ZNF626: variants seen among roughly 807,000 people sequenced by gnomAD.
ZNF626 encodes the protein CTC-513N18.7.
In ZNF626, 4 loss-of-function variants were observed where a neutral mutation model predicts 11.7. The ratio of observed to expected loss-of-function variants is 0.34; its 90% CI spans 0.17 to 0.78. The LOEUF (loss-of-function observed/expected upper bound fraction) is 0.78. Among genes scored for constraint, ZNF626 ranks in the 30% least tolerant of loss-of-function variants. The pLI, the probability that ZNF626 is intolerant of heterozygous loss-of-function variation, is 0.57. For synonymous variants in ZNF626, 179 were observed against 198.6 expected (o/e 0.90, Z 0.83); for missense variants, 588 against 587.1 (o/e 1.00, Z -0.01).
intron 3 of ZNF626, among the ~76,000 whole-genome samples, chr19:20,635,419 T>C (rs1969955590): frequency 6.6e-6 from 1 of 152,230 alleles, no homozygotes; most frequent in Admixed American, 6.5e-5. Context: ...GCCTCCTGGG[T>C]TTAAGTGATT....
At chr19:20,645,538 C>T in intron 3 of ZNF626, 146 bp downstream of exon 3, 1 of 1,551,946 alleles carries the variant, frequency 6.4e-7, no homozygotes, top group Non-Finnish European at 8.7e-7. Flanking sequence ...AAAAACCAAA[C>T]AAACAAACAA....
intron 3 of ZNF626, among the ~76,000 whole-genome samples, chr19:20,632,667 G>A (rs11880180): frequency 1.3e-5 from 2 of 152,026 alleles, no homozygotes; most frequent in African/African-American, 4.8e-5. Flanking sequence ...CTCTGCATTG[G>A]TTATTCTAGT....
chr19:20,640,422 AATTTCTGCAT>A (rs1353614857), intron 3 of ZNF626, among the ~76,000 whole-genome samples: 1 of 151,530 alleles, frequency 6.6e-6, no homozygotes, highest in Non-Finnish European at 1.5e-5. Context: ...TAGACTTCAA[AATTTCTGCAT>A]ATTAGAAACA....
Position 20,625,218 on chromosome 19 carries a change from T to C in ZNF626, c.659A>G (p.Lys220Arg), listed in dbSNP as rs369899504. 2.9e-5 allele frequency: 46 copies of C among 1,613,460 alleles called. No homozygotes were observed. Among genetic ancestry groups the C allele is most frequent in the Non-Finnish European group, 3.6e-5 (43 of 1,179,956 alleles). The change falls in exon 4 of 4, where the codon AAG (lysine) becomes AGG (arginine). Residue 220 changes from lysine (K) to arginine (R), a missense_variant. This residue lies in a region of ZNF626 where 524 missense variants were observed against 470.1 expected (regional missense o/e 1.11). Transcript: ENST00000601440. ...GGGTTTCTCTCCAGTATGAATTTTC[T>C]TATGTCTAGTAAGGCTACAAGAGTG... ...FNHSCSLTRH[K>R]KIHTGEKPYK... is the part of the protein sequence containing the mutation.
intron 3 of ZNF626, 99 bp from the exon 4 acceptor site, chr19:20,625,749 C>G (rs1293958423): frequency 1.6e-6 from 2 of 1,214,128 alleles, no homozygotes; most frequent in Non-Finnish European, 1.1e-6. Flanking sequence ...ACTACATAAG[C>G]AAGATGACAC....
In ZNF626 at chr19:20,646,273, C is replaced by T; in HGVS notation, c.130+6G>A. ...AGGGTATATTATGTACTCAAGTTAT[C>T]CTCACCAAGGAAGACCAGGTTACTG... On this transcript the variant is annotated splice_donor_region_variant and intron_variant, in intron 2 of 3. Coordinates refer to ENST00000601440, the MANE Select transcript of ZNF626 (RefSeq NM_001076675.3). The T allele has an allele frequency of 1.2e-6, 2 of 1,612,548 alleles. No homozygotes were observed. The highest frequency in any genetic ancestry group is 1.1e-5 in the South Asian group (1 of 90,820).
rs528269831 is a variant in ZNF626 at position 20,630,424 on chromosome 19, T to A, written c.227-4774A>T. On this transcript the variant is annotated intron_variant, in intron 3 of 3. Coordinates refer to ENST00000601440, the MANE Select transcript of ZNF626 (RefSeq NM_001076675.3). ...CATCTGGTCCTGAACTTTTTTTGAT[T>A]GGTAAGCTATTGATTATTGCCTCAA... 2.6e-4 allele frequency among the ~76,000 whole-genome samples: 39 copies of A among 152,232 alleles called. 1 individual carries two copies. In the South Asian group the frequency reaches 8.1e-3, roughly 32 times the overall value.
At position 20,629,165 on chromosome 19, in the gene ZNF626, A is replaced by G. The variant is rs572141718; in HGVS notation, c.227-3515T>C. ...ATATCTCTGGTTTGGTACCAGTACCATGCTGTTTTGGTTACTGTAGCCTTG... is the reference window on the plus strand; with the variant it reads ...ATATCTCTGGTTTGGTACCAGTACCGTGCTGTTTTGGTTACTGTAGCCTTG... On this transcript the variant is annotated intron_variant, in intron 3 of 3. Transcript: ENST00000601440. Among the ~76,000 whole-genome samples the G allele has an allele frequency of 3.7e-4, 57 of 152,254 alleles. 1 individual carries two copies. The highest frequency in any genetic ancestry group is 2.4e-4 in the Non-Finnish European group (16 of 68,024).
Position 20,659,619 on chromosome 19 carries a change from C to T in ZNF626, c.3+1825G>A, listed in dbSNP as rs573742973. Among the ~76,000 whole-genome samples, 15 of 151,940 alleles carry T rather than the reference C, an allele frequency of 9.9e-5. 1 individual carries two copies. In the East Asian group the frequency reaches 2.1e-3, roughly 22 times the overall value. On this transcript the variant is annotated intron_variant, in intron 1 of 3. Transcript: ENST00000601440. Reference sequence around the variant, plus strand: ...GTGAGGGATGGAGATAAGCCATCTCCAATGTAGGAGAAAAGCCCTTTTCTG... The same window carrying T: ...GTGAGGGATGGAGATAAGCCATCTCTAATGTAGGAGAAAAGCCCTTTTCTG...
At chr19:20,628,055 T>G (rs1376010489) in intron 3 of ZNF626, among the ~76,000 whole-genome samples, 6 of 152,146 alleles carry the variant, frequency 3.9e-5, no homozygotes, top group Non-Finnish European at 7.4e-5. Flanking sequence ...TTGCGATAGT[T>G]TGCTGAGAAT....
At chr19:20,652,571 A>T (rs1970158809) in intron 1 of ZNF626, among the ~76,000 whole-genome samples, 1 of 152,254 alleles carries the variant, frequency 6.6e-6, no homozygotes. Context: ...TATAGTGTCC[A>T]ATGTAGCATT....
In ZNF626 at chr19:20,620,304, A is replaced by C. The variant is rs576364691; in HGVS notation, c.*3986T>G. The C allele has an allele frequency of 4.7e-4, 72 of 152,282 alleles. 1 individual carries two copies. Among genetic ancestry groups the C allele is most frequent in the African/African-American group, 1.7e-3 (69 of 41,554 alleles). The allele number at this position is 152,282 out of a possible 1,614,324, so 9.4% of individuals were successfully genotyped here. On this transcript the variant is annotated 3_prime_UTR_variant, in exon 4 of 4. Coordinates refer to ENST00000601440, the MANE Select transcript of ZNF626 (RefSeq NM_001076675.3). ...TGCTTTCAGCATATTCAAGGTGTTT[A>C]GTTTTCCATTAATCACCTAAAAACT...
chr19:20,624,008 CACATTCACAT>C lies in ZNF626; in HGVS notation c.*272_*281del. The C allele has an allele frequency of 1.7e-6, 1 of 599,592 alleles. No homozygotes were observed. Among genetic ancestry groups the C allele is most frequent in the South Asian group, 1.9e-5 (1 of 53,574 alleles). The allele number at this position is 599,592 out of a possible 1,614,324, so 37.1% of individuals were successfully genotyped here. A position where few individuals can be genotyped will look rare whatever the true frequency, so the allele number is the denominator to read the frequency against. ...TGGTTAAAAGATTTTCCCCATTCAT[CACATTCACAT>C]GGTTTCTCTCCAGTATGAATTATCT... On this transcript the variant is annotated 3_prime_UTR_variant, in exon 4 of 4. Coordinates refer to ENST00000601440, the MANE Select transcript of ZNF626 (RefSeq NM_001076675.3).
rs372379836 is a variant in ZNF626, at chr19:20,630,124, G to A, written c.227-4474C>T. Among the ~76,000 whole-genome samples the A allele has an allele frequency of 4.6e-5, 7 of 152,312 alleles. No homozygotes were observed. In the East Asian group the frequency reaches 1.4e-3, roughly 29 times the overall value. On this transcript the variant is annotated intron_variant, in intron 3 of 3. Transcript: ENST00000601440. Reference sequence around the variant, plus strand: ...CGAACCAGCCTTGCATCCCAGGGATGAAGCCCATTTGATCATGGTGGATAA... The same window carrying A: ...CGAACCAGCCTTGCATCCCAGGGATAAAGCCCATTTGATCATGGTGGATAA...
chr19:20,641,505 G>A (rs1211903474), intron 3 of ZNF626, among the ~76,000 whole-genome samples: 2 of 152,108 alleles, frequency 1.3e-5, no homozygotes, highest in African/African-American at 2.4e-5. Flanking sequence ...GTTATTTCAT[G>A]GGTATTGAGT....
rs1026161947 is a variant in ZNF626 at position 20,624,768 on chromosome 19, T to C, written c.1109A>G (p.Lys370Arg). Residue 370 changes from lysine (K) to arginine (R), a missense_variant, in exon 4 of 4, where the codon AAA (lysine) becomes AGA (arginine). Around this residue, in one of 4 missense-constraint regions of ZNF626, gnomAD observed 524 missense variants for 470.1 expected, o/e 1.11. Coordinates refer to ENST00000601440, the MANE Select transcript of ZNF626 (RefSeq NM_001076675.3). Reference sequence around the variant, plus strand: ...GAAGGCTTTGCCACATTCTTCACATTTGTAGGGTTTCTCTCCAGTATGAAT... The same window carrying C: ...GAAGGCTTTGCCACATTCTTCACATCTGTAGGGTTTCTCTCCAGTATGAAT... The part of the protein sequence containing the change: ...KRIHTGEKPY[K>R]CEECGKAFKR... The C allele has an allele frequency of 6.2e-7, 1 of 1,613,202 alleles. No homozygotes were observed. Among genetic ancestry groups the C allele is most frequent in the Non-Finnish European group, 8.5e-7 (1 of 1,179,888 alleles).
intron 3 of ZNF626, among the ~76,000 whole-genome samples, chr19:20,631,273 A>G (rs8103265): frequency 0.54 from 82,160 of 150,968 alleles, 25,084 homozygotes; most frequent in African/African-American, 0.83. Context: ...GGAGAGTTCT[A>G]TAAATGTCTA....
At chr19:20,628,558 T>C (rs1193164963) in intron 3 of ZNF626, among the ~76,000 whole-genome samples, 1 of 152,246 alleles carries the variant, frequency 6.6e-6, no homozygotes, top group African/African-American at 2.4e-5. Context: ...TCATCTGTTT[T>C]TTTGGCTGCA....
At chr19:20,658,150 T>C (rs377709843) in intron 1 of ZNF626, among the ~76,000 whole-genome samples, 1 of 151,930 alleles carries the variant, frequency 6.6e-6, no homozygotes, top group African/African-American at 2.4e-5. Flanking sequence ...GAGTGCAATG[T>C]AGGTGAATGG....
Sources: gnomAD v4.1 joint callset for allele counts (sites outside exome capture counted in the v4.1 genomes callset) on GRCh38, gnomAD v4.1.1 for gene constraint, gnomAD v4.1.1 regional missense constraint, MANE v1.5 for transcripts, NCBI Gene and HGNC (gene_info 2026-07-23, HGNC 2026-07-21) for gene names.